Variants in ANAPC10 observed in about 807,000 individuals in gnomAD.
ANAPC10 encodes the protein anaphase-promoting complex subunit 10.
Under a neutral mutation model 22.0 loss-of-function variants are expected in ANAPC10, and 12 were observed. The ratio of observed to expected loss-of-function variants is 0.55; its 90% CI spans 0.35 to 0.88. ANAPC10 has a LOEUF of 0.88. Among genes scored for constraint, ANAPC10 ranks in the 40% least tolerant of loss-of-function variants. The pLI, the probability that ANAPC10 is intolerant of heterozygous loss-of-function variation, is 0.01. For synonymous variants in ANAPC10, 65 were observed against 69.5 expected, an observed-to-expected ratio of 0.94 and a Z score of 0.32; for missense variants, 188 against 220.9, an observed-to-expected ratio of 0.85 and a Z score of 0.94.
intron 4 of ANAPC10, among the ~76,000 whole-genome samples, chr4:145,011,613 A>C (rs1365145968): frequency 6.6e-6 from 1 of 152,108 alleles, no homozygotes; most frequent in African/African-American, 2.4e-5. Flanking sequence ...AAAGGGCGAG[A>C]GGCTAAAAAC....
At chr4:145,041,799 T>C (rs1183808381) in intron 4 of ANAPC10, among the ~76,000 whole-genome samples, 1 of 152,032 alleles carries the variant, frequency 6.6e-6, no homozygotes, top group Admixed American at 6.6e-5. Flanking sequence ...CAAGAAACAA[T>C]AATTAAAAGA....
At chr4:145,086,817 C>T (rs1746970683) in intron 2 of ANAPC10, among the ~76,000 whole-genome samples, 1 of 151,194 alleles carries the variant, frequency 6.6e-6, no homozygotes, top group African/African-American at 2.4e-5. Context: ...TATCTCCAGA[C>T]TTTGTACCCT....
intron 4 of ANAPC10, among the ~76,000 whole-genome samples, chr4:145,030,744 T>G: frequency 6.6e-6 from 1 of 152,202 alleles, no homozygotes; most frequent in South Asian, 2.1e-4. Flanking sequence ...AAAGGCCAAA[T>G]GGAAGCCAAT....
chr4:145,002,357 C>G (rs1732702412), intron 4 of ANAPC10, among the ~76,000 whole-genome samples: 2 of 152,112 alleles, frequency 1.3e-5, no homozygotes, highest in Admixed American at 1.3e-4. Flanking sequence ...CTATGGAAAG[C>G]AAGCTCTTCT....
intron 4 of ANAPC10, among the ~76,000 whole-genome samples, chr4:145,000,938 G>GC (rs961008496): frequency 3.3e-5 from 5 of 151,974 alleles, no homozygotes; most frequent in African/African-American, 1.2e-4. Flanking sequence ...GCCAACTATC[G>GC]CAAGGACAGA....
intron 4 of ANAPC10, among the ~76,000 whole-genome samples, chr4:145,021,760 C>T (rs997170429): frequency 2.0e-5 from 3 of 152,096 alleles, no homozygotes; most frequent in Non-Finnish European, 2.9e-5. Context: ...AAAATCTTCA[C>T]AATCTATACA....
chr4:145,005,206 A>G (rs907950221), intron 4 of ANAPC10, among the ~76,000 whole-genome samples: 7 of 152,022 alleles, frequency 4.6e-5, no homozygotes, highest in Non-Finnish European at 7.4e-5. Flanking sequence ...GTGAACCACC[A>G]TACCTGGCTA....
At chr4:145,044,519 C>A (rs988742337) in intron 4 of ANAPC10, among the ~76,000 whole-genome samples, 1 of 152,098 alleles carries the variant, frequency 6.6e-6, no homozygotes, top group African/African-American at 2.4e-5. Context: ...AGTCTGCTAA[C>A]TGAATCATAG....
At chr4:145,056,414 A>G (rs1040017869) in intron 4 of ANAPC10, among the ~76,000 whole-genome samples, 12 of 152,184 alleles carry the variant, frequency 7.9e-5, no homozygotes, top group African/African-American at 9.7e-5. Flanking sequence ...AAATAACCAT[A>G]AAGATGGGCA....
At chr4:145,093,304 C>T (rs1163181544) in intron 2 of ANAPC10, among the ~76,000 whole-genome samples, 1 of 152,092 alleles carries the variant, frequency 6.6e-6, no homozygotes, top group Non-Finnish European at 1.5e-5. Flanking sequence ...ATAGCAATAA[C>T]AAAACTCAAA....
intron 4 of ANAPC10, among the ~76,000 whole-genome samples, chr4:145,018,712 A>C (rs1483883404): frequency 6.6e-6 from 1 of 152,112 alleles, no homozygotes; most frequent in African/African-American, 2.4e-5. Context: ...CTCACATAAC[A>C]CACAAGGAAT....
At chr4:145,012,168 G>GTATA (rs1734426830) in intron 4 of ANAPC10, among the ~76,000 whole-genome samples, 1 of 111,504 alleles carries the variant, frequency 9.0e-6, no homozygotes, top group Non-Finnish European at 1.8e-5. Context: ...ATGTATATGT[G>GTATA]TGTGTGTGTA....
At chr4:145,011,998 A>C (rs545138104) in intron 4 of ANAPC10, among the ~76,000 whole-genome samples, 2 of 152,116 alleles carry the variant, frequency 1.3e-5, no homozygotes, top group East Asian at 3.9e-4. Context: ...ACTGCAAAGC[A>C]GCTTCCACTG....
intron 4 of ANAPC10, among the ~76,000 whole-genome samples, chr4:145,021,498 ATC>A (rs1404077600): frequency 3.3e-5 from 5 of 152,162 alleles, no homozygotes; most frequent in Admixed American, 3.3e-4. Flanking sequence ...CTGGATCCTC[ATC>A]TCTCACCTTA....
intron 4 of ANAPC10, among the ~76,000 whole-genome samples, chr4:145,051,714 T>C (rs942492858): frequency 3.3e-5 from 5 of 152,096 alleles, no homozygotes; most frequent in African/African-American, 9.7e-5. Flanking sequence ...AGCCACATAG[T>C]TATTATTGCA....
At chr4:145,027,843 T>A (rs1230468058) in intron 4 of ANAPC10, among the ~76,000 whole-genome samples, 1 of 152,274 alleles carries the variant, frequency 6.6e-6, no homozygotes, top group East Asian at 1.9e-4. Context: ...ATGTGGAGGA[T>A]GTAGTCCACC....
At chr4:145,026,945 A>ATATATATATATATATATGTGTG (rs1287102797) in intron 4 of ANAPC10, among the ~76,000 whole-genome samples, 70 of 17,130 alleles carry the variant, frequency 4.1e-3, no homozygotes, top group Non-Finnish European at 5.9e-3. Context: ...ATATATATAT[A>ATATATATATATATATATGTGTG]TGTGTGTGTG....
At chr4:145,091,768 G>T (rs1300684736) in intron 2 of ANAPC10, among the ~76,000 whole-genome samples, 1 of 152,098 alleles carries the variant, frequency 6.6e-6, no homozygotes, top group Admixed American at 6.5e-5. Flanking sequence ...TTGAGGACTC[G>T]CCACACTGTC....
At chr4:145,042,392 A>AT (rs569701034) in intron 4 of ANAPC10, among the ~76,000 whole-genome samples, 194 of 152,310 alleles carry the variant, frequency 1.3e-3, no homozygotes, top group African/African-American at 4.5e-3. Flanking sequence ...GACATTTATG[A>AT]TATTTTCAGA....
Sources: allele counts gnomAD v4.1 joint callset (sites outside exome capture counted in the v4.1 genomes callset), GRCh38; gene constraint gnomAD v4.1.1; transcripts MANE v1.5; gene names NCBI Gene and HGNC (gene_info 2026-07-23, HGNC 2026-07-21).